PPM1L: variants seen among roughly 807,000 people sequenced by gnomAD.
PPM1L encodes the protein protein phosphatase, Mg2+/Mn2+ dependent 1L.
A neutral mutation model predicts 31.4 loss-of-function variants in PPM1L; 13 were observed. The observed-to-expected ratio is 0.41, with a 90% CI of 0.27 to 0.66. The LOEUF (loss-of-function observed/expected upper bound fraction) is 0.66. PPM1L is among the 30% of genes least tolerant of loss of function. The pLI, the probability that PPM1L is intolerant of heterozygous loss-of-function variation, is 0.29. For missense variants in PPM1L, 326 were observed against 453.7 expected (o/e 0.72, Z 2.56); for synonymous variants, 184 against 175.4 (o/e 1.05, Z -0.39).
At chr3:160,979,079 C>T (rs6441345) in intron 2 of PPM1L, among the ~76,000 whole-genome samples, 71,934 of 151,634 alleles carry the variant, frequency 0.47, 18,543 homozygotes, top group East Asian at 0.7. Context: ...TTTGATGTAA[C>T]GGCTCAACAG....
intron 1 of PPM1L, among the ~76,000 whole-genome samples, chr3:160,932,250 A>T (rs563100327): frequency 7.3e-4 from 111 of 152,334 alleles, no homozygotes; most frequent in Middle Eastern, 6.8e-3. Flanking sequence ...GTGATATAAT[A>T]TCTGCTTAAA....
intron 1 of PPM1L, among the ~76,000 whole-genome samples, chr3:160,816,404 T>C (rs1712996439): frequency 6.6e-6 from 1 of 152,074 alleles, no homozygotes. Flanking sequence ...AAAGAACATT[T>C]ATTTTCCTTT....
In PPM1L at chr3:161,069,098, G is replaced by T. The variant is rs746704419; in HGVS notation, c.1024G>T (p.Asp342Tyr). 1.2e-6 allele frequency: 2 copies of T among 1,614,184 alleles called. No homozygotes were observed. The highest frequency in any genetic ancestry group is 3.3e-5 in the Admixed American group (2 of 60,018). Reference sequence around the variant, plus strand: ...ACAGTCATTTTACAGAGGCTGCCCTGACAATATAACAGTCATGGTGGTGAA... The same window carrying T: ...ACAGTCATTTTACAGAGGCTGCCCTTACAATATAACAGTCATGGTGGTGAA... ...VLQSFYRGCP[D>Y]NITVMVVKFR... The change falls in exon 4 of 4, where the codon GAC becomes TAC. Residue 342 changes from aspartate (D) to tyrosine (Y), a missense_variant. By Grantham distance (160) the Asp-to-Tyr change is radical (BLOSUM62 -3). This residue lies in a region of PPM1L where 201 missense variants were observed against 298.2 expected (regional missense o/e 0.67). Coordinates refer to ENST00000498165, the MANE Select transcript of PPM1L (RefSeq NM_139245.4).
intron 2 of PPM1L, among the ~76,000 whole-genome samples, chr3:161,042,398 GCTCAGC>G (rs1409730603): frequency 2.0e-5 from 3 of 152,176 alleles, no homozygotes; most frequent in African/African-American, 7.2e-5. Flanking sequence ...ACATTCATAA[GCTCAGC>G]CAGAATCTTG....
At chr3:160,912,181 G>T (rs146992613) in intron 1 of PPM1L, among the ~76,000 whole-genome samples, 1 of 152,246 alleles carries the variant, frequency 6.6e-6, no homozygotes, top group East Asian at 1.9e-4. Flanking sequence ...TATGTAATCT[G>T]CAAGCTCCGT....
intron 1 of PPM1L, among the ~76,000 whole-genome samples, chr3:160,948,150 A>AT (rs1469000690): frequency 6.6e-6 from 1 of 152,136 alleles, no homozygotes; most frequent in Non-Finnish European, 1.5e-5. Context: ...CCGTCCAGCT[A>AT]TTTTCTTATG....
chr3:160,849,393 CTCTTTCTTTCTT>C (rs540054052), intron 1 of PPM1L, among the ~76,000 whole-genome samples: 200 of 151,338 alleles, frequency 1.3e-3, no homozygotes, highest in African/African-American at 4.1e-3. Context: ...GACCTGCATT[CTCTTTCTTTCTT>C]TCTTTCTTTC....
intron 2 of PPM1L, among the ~76,000 whole-genome samples, chr3:160,979,549 A>C (rs1433183894): frequency 2.0e-5 from 3 of 152,100 alleles, no homozygotes; most frequent in African/African-American, 7.2e-5. Context: ...TATTCTAGCA[A>C]AATGATGTTG....
chr3:160,930,674 G>A (rs1714757011), intron 1 of PPM1L, among the ~76,000 whole-genome samples: 1 of 152,188 alleles, frequency 6.6e-6, no homozygotes, highest in African/African-American at 2.4e-5. Flanking sequence ...ATTTTAGGCG[G>A]AGTGAAGGAG....
chr3:160,861,953 C>T (rs1248563214), intron 1 of PPM1L, among the ~76,000 whole-genome samples: 1 of 152,184 alleles, frequency 6.6e-6, no homozygotes, highest in Non-Finnish European at 1.5e-5. Flanking sequence ...TCTGTGCCCA[C>T]CTAATACATT....
Position 160,756,235 on chromosome 3 carries a change from C to T in PPM1L, c.-74C>T, listed in dbSNP as rs1448083208. 2.0e-6 allele frequency: 3 copies of T among 1,526,956 alleles called. No individual in the cohort carries two copies. The highest frequency in any genetic ancestry group is 1.2e-5 in the South Asian group (1 of 80,312). 94.6% of individuals were successfully genotyped at this position (1,526,956 alleles called of 1,614,324 possible). The stretch of plus-strand genomic sequence containing the variant: ...CCGCCTCCCTCCCGGCGGGCTGTCC[C>T]CGCAGTGCTCCCGGACCCGGCGAGC... On this transcript the variant is annotated 5_prime_UTR_variant, in exon 1 of 4. Coordinates refer to ENST00000498165, the MANE Select transcript of PPM1L (RefSeq NM_139245.4). This position sits in a 1 kb window ranked among gnomAD's most constrained non-coding sequence, Gnocchi z 6.2.
intron 2 of PPM1L, among the ~76,000 whole-genome samples, chr3:161,046,110 C>CTAA (rs1719055901): frequency 2.0e-5 from 1 of 50,304 alleles, no homozygotes; most frequent in African/African-American, 1.0e-4. Context: ...GACTCTGTCT[C>CTAA]AAAAAAAAAA....
At chr3:160,957,422 A>G (rs200695904) in intron 1 of PPM1L, among the ~76,000 whole-genome samples, 5 of 152,146 alleles carry the variant, frequency 3.3e-5, no homozygotes, top group Non-Finnish European at 5.9e-5. Context: ...TATACCCAGT[A>G]ATGGGATTGC....
At chr3:160,892,940 G>A (rs1167988252) in intron 1 of PPM1L, among the ~76,000 whole-genome samples, 3 of 151,976 alleles carry the variant, frequency 2.0e-5, no homozygotes, top group Admixed American at 1.3e-4. Flanking sequence ...TTCTAATGTA[G>A]GTGTTTGATA....
chr3:161,061,500 C>T (rs1456639371), intron 2 of PPM1L, among the ~76,000 whole-genome samples: 1 of 152,180 alleles, frequency 6.6e-6, no homozygotes, highest in Admixed American at 6.5e-5. Flanking sequence ...GTACAGTTGG[C>T]TCTTCATGTC....
At chr3:160,807,674 A>C (rs1432279291) in intron 1 of PPM1L, among the ~76,000 whole-genome samples, 4 of 152,170 alleles carry the variant, frequency 2.6e-5, no homozygotes, top group Non-Finnish European at 5.9e-5. Flanking sequence ...ATCAGTCCTG[A>C]GCTCATGGTT....
chr3:161,016,213 TA>T (rs147796304), intron 2 of PPM1L, among the ~76,000 whole-genome samples: 2 of 151,638 alleles, frequency 1.3e-5, no homozygotes, highest in Admixed American at 6.6e-5. Flanking sequence ...AGGCAACTGG[TA>T]AAAAAAAATC....
chr3:160,942,278 G>A (rs2108088264), intron 1 of PPM1L, among the ~76,000 whole-genome samples: 1 of 152,092 alleles, frequency 6.6e-6, no homozygotes, highest in Admixed American at 6.5e-5. Context: ...TTATTTTGTA[G>A]AGATGGGAGT....
chr3:160,945,133 C>CATATATGT (rs2108092728), intron 1 of PPM1L, among the ~76,000 whole-genome samples: 3 of 116,150 alleles, frequency 2.6e-5, no homozygotes, highest in African/African-American at 1.1e-4. Flanking sequence ...ATCTATCTAT[C>CATATATGT]TATCTATCTA....
Sources: allele counts gnomAD v4.1 joint callset (sites outside exome capture counted in the v4.1 genomes callset), GRCh38; gene constraint gnomAD v4.1.1; regional missense constraint gnomAD v4.1.1; non-coding constraint Gnocchi (gnomAD v3.1); transcripts MANE v1.5; gene names NCBI Gene and HGNC (gene_info 2026-07-23, HGNC 2026-07-21).